Variants in ACIN1 observed in about 807,000 individuals in gnomAD.
ACIN1 encodes apoptotic chromatin condensation inducer 1.
A neutral mutation model predicts 146.6 loss-of-function variants in ACIN1; 16 were observed. The ratio of observed to expected loss-of-function variants is 0.11; its 90% confidence interval spans 0.07 to 0.17. The LOEUF (loss-of-function observed/expected upper bound fraction) is 0.17. Ranked by LOEUF, ACIN1 falls within the 10% of genes least tolerant of loss-of-function variation. The pLI is 1.00. For missense variants in ACIN1, 1,357 were observed against 1,609.3 expected, an observed-to-expected ratio of 0.84 and a Z score of 2.68; for synonymous variants, 569 against 582.7, an observed-to-expected ratio of 0.98 and a Z score of 0.34.
In ACIN1 at chr14:23,067,790, C is replaced by T; in HGVS notation, c.2265+1686G>A. The T allele has an allele frequency of 1.0e-6, 1 of 985,962 alleles. No homozygotes were observed. The highest frequency in any genetic ancestry group is 1.2e-6 in the Non-Finnish European group (1 of 830,016). 61.1% of individuals were successfully genotyped at this position (985,962 alleles called of 1,614,324 possible). On this transcript the variant is annotated intron_variant, in intron 9 of 18. Transcript: ENST00000605057. This position sits in a 1 kb window ranked among gnomAD's most constrained non-coding sequence, Gnocchi z 4.6. ...AATCCAGGTGATGACTCCAGAGTCC[C>T]TTTCTCCTCTGCCTGTAACTGGGGA...
intron 4 of ACIN1, among the ~76,000 whole-genome samples, chr14:23,086,886 CAGTT>C (rs1482323808): frequency 1.3e-5 from 2 of 152,176 alleles, no homozygotes; most frequent in African/African-American, 2.4e-5. Flanking sequence ...ACTCTTCCTT[CAGTT>C]AGTCATTCAT....
intron 1 of ACIN1, chr14:23,094,510 CAG>C: frequency 1.0e-6 from 1 of 985,358 alleles, no homozygotes. Context: ...TCTAATCGAG[CAG>C]ACATTTTACC....
At chr14:23,069,246 G>C (rs934496920) in intron 9 of ACIN1, 1 of 1,234,692 alleles carries the variant, frequency 8.1e-7, no homozygotes. Flanking sequence ...TCTAGAGTCT[G>C]GGCACTACTT....
intron 16 of ACIN1, among the ~76,000 whole-genome samples, chr14:23,061,921 C>G (rs1169140585): frequency 7.1e-6 from 1 of 140,654 alleles, no homozygotes; most frequent in Non-Finnish European, 1.5e-5. Context: ...TTGCAGTGAG[C>G]TGAGATCGCG....
chr14:23,080,293 C>T lies in ACIN1; in HGVS notation c.1042G>A (p.Glu348Lys). ...RKKASLVALP[E>K]QTASEEETPP... ...GTCTCCTCCTCGCTGGCAGTTTGCT[C>T]TGGCAGCGCTACAAGTGAGGCCTTC... The change falls in exon 6 of 19, where the codon GAG (glutamate) becomes AAG (lysine). Residue 348 changes from glutamate (E) to lysine (K), a missense_variant. Around this residue, in one of 4 missense-constraint regions of ACIN1, gnomAD observed 771 missense variants for 746.6 expected, o/e 1.03. Coordinates refer to ENST00000605057, the MANE Select transcript of ACIN1 (RefSeq NM_001386863.1). 1 of 1,614,202 alleles carries T rather than the reference C, an allele frequency of 6.2e-7. No homozygotes were observed.
intron 10 of ACIN1, 143 bp downstream of exon 10, chr14:23,065,823 A>G: frequency 1.4e-6 from 1 of 696,194 alleles, no homozygotes; most frequent in South Asian, 1.8e-5. Context: ...CTACATAGGA[A>G]AGGATTCAGA....
At chr14:23,071,641 T>G in intron 8 of ACIN1, 38 of 1,303,508 alleles carry the variant, frequency 2.9e-5, no homozygotes, top group Non-Finnish European at 3.8e-5. Context: ...GGGAGGGAGC[T>G]GAGTGAGCAA....
At chr14:23,094,909 C>G in intron 1 of ACIN1, 66 bp downstream of exon 1, 1 of 1,506,300 alleles carries the variant, frequency 6.6e-7, no homozygotes, top group South Asian at 1.3e-5. Context: ...GCGCCTGCGC[C>G]GCGGCAGAGG....
chr14:23,071,256 C>A, intron 8 of ACIN1: 1 of 1,511,382 alleles, frequency 6.6e-7, no homozygotes. Context: ...AAAACCACAC[C>A]TTCCTTGTTC....
chr14:23,065,218 C>T (rs967569802), intron 10 of ACIN1, among the ~76,000 whole-genome samples: 16 of 152,212 alleles, frequency 1.1e-4, no homozygotes, highest in African/African-American at 3.6e-4. Context: ...TAGAGTTCCT[C>T]ATTGGGGAAA....
At chr14:23,079,101 G>T (rs770171730) in intron 6 of ACIN1, 63 bp from the exon 7 acceptor site, 9 of 1,484,702 alleles carry the variant, frequency 6.1e-6, no homozygotes, top group African/African-American at 1.4e-5. Context: ...TCAGTAGATT[G>T]CTGAGTTTTC....
chr14:23,088,561 G>A (rs1004824805), intron 4 of ACIN1, among the ~76,000 whole-genome samples: 9 of 152,122 alleles, frequency 5.9e-5, no homozygotes, highest in Non-Finnish European at 2.9e-5. Context: ...AAAATCAAGT[G>A]TAGTCCATGA....
At chr14:23,094,921 T>A in intron 1 of ACIN1, 54 bp downstream of exon 1, 1 of 1,515,482 alleles carries the variant, frequency 6.6e-7, no homozygotes, top group Non-Finnish European at 8.8e-7. Context: ...CGGCAGAGGC[T>A]CGTCTCTACC....
Position 23,081,729 on chromosome 14 carries a change from T to TA in ACIN1, c.525+18dup. The TA allele has an allele frequency of 6.3e-7, 1 of 1,587,710 alleles. No homozygotes were observed. Among genetic ancestry groups the TA allele is most frequent in the Non-Finnish European group, 8.6e-7 (1 of 1,160,854 alleles). On this transcript the variant is annotated intron_variant, in intron 5 of 18. Transcript: ENST00000605057. ...AAGCATTACTGAAGAGGTAATGCTT[T>TA]AGGAGGTATCTGAGTTACCTGTCTG...
rs200101816 is a variant in ACIN1 at position 23,069,455 on chromosome 14, A to G, written c.2265+21T>C. The stretch of plus-strand genomic sequence containing the variant: ...GGTCCATTCCTGCCCACCCGCCCCA[A>G]TAGGTGGCTTGGATGTTTACCTCTT... On this transcript the variant is annotated intron_variant, in intron 9 of 18. Transcript: ENST00000605057. The G allele has an allele frequency of 4.4e-4, 702 of 1,611,026 alleles. 12 individuals carry two copies. The South Asian group carries it at 7.4e-3, about 17-fold the overall frequency.
chr14:23,090,381 G>T, intron 3 of ACIN1, 141 bp downstream of exon 3: 1 of 820,112 alleles, frequency 1.2e-6, no homozygotes, highest in Non-Finnish European at 1.9e-6. Context: ...TAAACCACTT[G>T]GCTTCATGGG....
chr14:23,089,325 A>G (rs75969592), intron 4 of ACIN1, among the ~76,000 whole-genome samples: 3,812 of 152,240 alleles, frequency 0.025, 109 homozygotes, highest in South Asian at 0.14. Flanking sequence ...AAGTGCTGGG[A>G]TTAGAGGCGT....
chr14:23,081,868 ATGAAG>A (rs761821041), intron 4 of ACIN1, 32 bp from the exon 5 acceptor site: 4 of 1,566,078 alleles, frequency 2.6e-6, no homozygotes, highest in South Asian at 1.1e-5. Flanking sequence ...AGTCAGATTC[ATGAAG>A]TGAAGACTCA....
intron 4 of ACIN1, among the ~76,000 whole-genome samples, chr14:23,088,964 A>G (rs958623129): frequency 6.6e-6 from 1 of 152,122 alleles, no homozygotes; most frequent in African/African-American, 2.4e-5. Context: ...ACTGACTTAG[A>G]CAGGTAGTTC....
Sources: gnomAD v4.1 joint callset for allele counts (sites outside exome capture counted in the v4.1 genomes callset) on GRCh38, gnomAD v4.1.1 for gene constraint, gnomAD v4.1.1 regional missense constraint, Gnocchi (gnomAD v3.1) non-coding constraint, MANE v1.5 for transcripts, NCBI Gene and HGNC (gene_info 2026-07-23, HGNC 2026-07-21) for gene names.